The following SPAG16 variants were observed in gnomAD, a reference collection of about 807,000 sequenced individuals.
SPAG16 encodes the protein sperm associated antigen 16, also known as sperm-associated antigen 16 protein.
In SPAG16, 86 loss-of-function variants were observed where a neutral mutation model predicts 80.4. The ratio of observed to expected loss-of-function variants is 1.07; its 90% CI spans 0.90 to 1.28. The LOEUF is 1.28. SPAG16 is among the 50% of genes most tolerant of loss of function. The pLI is 0.00. For missense variants in SPAG16, 870 were observed against 765.3 expected, an observed-to-expected ratio of 1.14 and a Z score of -1.61; for synonymous variants, 294 against 265.9, an observed-to-expected ratio of 1.11 and a Z score of -1.03.
At chr2:214,155,156 G>C (rs1342510758) in intron 15 of SPAG16, among the ~76,000 whole-genome samples, 1 of 152,132 alleles carries the variant, frequency 6.6e-6, no homozygotes, top group African/African-American at 2.4e-5. Context: ...GAGAACTGGA[G>C]ATCTGCAGAG....
chr2:213,824,979 A>G (rs2073182596), intron 10 of SPAG16, among the ~76,000 whole-genome samples: 1 of 151,908 alleles, frequency 6.6e-6, no homozygotes, highest in Non-Finnish European at 1.5e-5. Flanking sequence ...TTTTATTTAT[A>G]ACTATTGTAA....
intron 10 of SPAG16, among the ~76,000 whole-genome samples, chr2:213,689,275 A>G (rs929985741): frequency 1.3e-5 from 2 of 152,016 alleles, no homozygotes; most frequent in Non-Finnish European, 2.9e-5. Flanking sequence ...ATTCTTGTCT[A>G]ATTTTATCAT....
intron 10 of SPAG16, among the ~76,000 whole-genome samples, chr2:213,831,220 A>G (rs757869718): frequency 6.6e-6 from 1 of 151,450 alleles, no homozygotes. Context: ...TTGTATTTTT[A>G]GTAGAGACGG....
chr2:213,925,685 C>G (rs1455259739), intron 11 of SPAG16, among the ~76,000 whole-genome samples: 1 of 152,020 alleles, frequency 6.6e-6, no homozygotes, highest in African/African-American at 2.4e-5. Context: ...TTTGATAATT[C>G]CAGAGTAACA....
At chr2:213,738,225 G>C (rs2067383290) in intron 10 of SPAG16, among the ~76,000 whole-genome samples, 1 of 152,052 alleles carries the variant, frequency 6.6e-6, no homozygotes, top group African/African-American at 2.4e-5. Flanking sequence ...CTTTACATGG[G>C]GGATACATTT....
intron 15 of SPAG16, among the ~76,000 whole-genome samples, chr2:214,363,772 G>T (rs1444470050): frequency 6.6e-6 from 1 of 152,008 alleles, no homozygotes; most frequent in African/African-American, 2.4e-5. Flanking sequence ...AGGTAATAGG[G>T]GTTACAGAAG....
intron 15 of SPAG16, among the ~76,000 whole-genome samples, chr2:214,176,320 G>C (rs1449186499): frequency 2.6e-5 from 4 of 150,968 alleles, no homozygotes; most frequent in Admixed American, 1.3e-4. Flanking sequence ...AGGTGCTATA[G>C]ATAGTCATCC....
chr2:213,287,698 A>G (rs1360195743), intron 1 of SPAG16, among the ~76,000 whole-genome samples: 1 of 152,176 alleles, frequency 6.6e-6, no homozygotes, highest in African/African-American at 2.4e-5. Context: ...CTGAGAGTTC[A>G]GTAAGTTTAA....
intron 15 of SPAG16, among the ~76,000 whole-genome samples, chr2:214,358,271 G>C (rs1443186988): frequency 1.3e-5 from 2 of 151,758 alleles, no homozygotes; most frequent in Non-Finnish European, 2.9e-5. Context: ...CCCAAGCTTG[G>C]TTTTCTTTCC....
chr2:213,765,275 A>T (rs1057167206), intron 10 of SPAG16, among the ~76,000 whole-genome samples: 2 of 152,204 alleles, frequency 1.3e-5, no homozygotes, highest in African/African-American at 4.8e-5. Flanking sequence ...AGACTGAGGC[A>T]GGCGAATTGC....
At chr2:213,972,306 C>T (rs7604964) in intron 12 of SPAG16, among the ~76,000 whole-genome samples, 12,938 of 151,066 alleles carry the variant, frequency 0.086, 967 homozygotes, top group African/African-American at 0.2. Flanking sequence ...TAATATAAAT[C>T]TATAAAAAGA....
At chr2:214,167,385 G>A (rs181983849) in intron 15 of SPAG16, among the ~76,000 whole-genome samples, 1 of 151,786 alleles carries the variant, frequency 6.6e-6, no homozygotes, top group East Asian at 1.9e-4. Flanking sequence ...AATTAGGTGG[G>A]CATGGTTCAT....
At chr2:214,044,658 C>G (rs574658911) in intron 13 of SPAG16, among the ~76,000 whole-genome samples, 58 of 152,276 alleles carry the variant, frequency 3.8e-4, no homozygotes, top group African/African-American at 1.3e-3. Flanking sequence ...TCTTGAATTG[C>G]CATTGCCACC....
intron 13 of SPAG16, among the ~76,000 whole-genome samples, chr2:214,058,090 G>A (rs1260323714): frequency 1.3e-5 from 2 of 152,136 alleles, no homozygotes; most frequent in African/African-American, 2.4e-5. Flanking sequence ...TCATTTGTGT[G>A]TTCACAGGAG....
chr2:213,403,380 C>G (rs2125349450), intron 9 of SPAG16, among the ~76,000 whole-genome samples: 1 of 152,224 alleles, frequency 6.6e-6, no homozygotes, highest in East Asian at 1.9e-4. Context: ...TGTCGGTTGC[C>G]TGTTCACTCT....
At chr2:213,886,668 G>T (rs2076567808) in intron 11 of SPAG16, among the ~76,000 whole-genome samples, 1 of 151,904 alleles carries the variant, frequency 6.6e-6, no homozygotes, top group African/African-American at 2.4e-5. Flanking sequence ...GGGGAAACAA[G>T]CAACTATCAC....
At position 213,639,805 on chromosome 2, in the gene SPAG16, T is replaced by A. The variant is rs139694142; in HGVS notation, c.1070+149715T>A. Among the ~76,000 whole-genome samples the A allele has an allele frequency of 3.7e-3, 559 of 152,318 alleles. 9 individuals are homozygous for A. The highest frequency in any genetic ancestry group is 0.024 in the Middle Eastern group (7 of 294). On this transcript the variant is annotated intron_variant, in intron 10 of 15. Coordinates refer to ENST00000331683, the MANE Select transcript of SPAG16 (RefSeq NM_024532.5). ...TCTATATTTCTAGCTAGGCCAGGGA[T>A]GTTTTCCTTGATTATTCCCTCAAAT...
intron 13 of SPAG16, among the ~76,000 whole-genome samples, chr2:214,054,276 C>A (rs1445500947): frequency 2.0e-5 from 3 of 152,192 alleles, no homozygotes; most frequent in Admixed American, 2.0e-4. Flanking sequence ...TCCCAAAGTG[C>A]TGGGATTACA....
chr2:214,182,946 G>T (rs2125675564), intron 15 of SPAG16, among the ~76,000 whole-genome samples: 1 of 151,880 alleles, frequency 6.6e-6, no homozygotes, highest in African/African-American at 2.4e-5. Context: ...CAATTATAAG[G>T]AACTCTAGAA....
Sources: gnomAD v4.1 joint callset for allele counts (sites outside exome capture counted in the v4.1 genomes callset) on GRCh38, gnomAD v4.1.1 for gene constraint, MANE v1.5 for transcripts, NCBI Gene and HGNC (gene_info 2026-07-23, HGNC 2026-07-21) for gene names.